The following RAB6B variants were observed in gnomAD, a reference collection of about 807,000 sequenced individuals.
RAB6B encodes the protein ras-related protein Rab-6B.
RAB6B carries 7 observed loss-of-function variants against 31.2 expected under a neutral mutation model. The ratio of observed to expected loss-of-function variants is 0.22; its 90% CI spans 0.13 to 0.42. The LOEUF (loss-of-function observed/expected upper bound fraction) is 0.42, where lower values mean the gene tolerates loss of function less well. RAB6B is among the 10% of genes least tolerant of loss of function. RAB6B has a pLI of 1.00. For synonymous variants in RAB6B, 105 were observed against 104.9 expected, an observed-to-expected ratio of 1.00 and a Z score of -0.01; for missense variants, 149 against 280.6, an observed-to-expected ratio of 0.53 and a Z score of 3.35.
chr3:133,873,575 T>C (rs1041267272), intron 1 of RAB6B, among the ~76,000 whole-genome samples: 2 of 152,236 alleles, frequency 1.3e-5, no homozygotes, highest in African/African-American at 4.8e-5. Context: ...CAAAAGGTGC[T>C]ATCATCTTTG....
Position 133,838,191 on chromosome 3 carries a change from G to A in RAB6B, c.470C>T (p.Ala157Val). The change falls in exon 6 of 8, where the codon GCG (alanine) becomes GTG (valine). Residue 157 changes from alanine to valine, a missense_variant. Transcript: ENST00000285208. ...CTGCTTCACGTTGTAGCCAGTCTTC[G>A]CACTGGTCTCAATGAACATGACGCT... ...ELSVMFIETSAKTGYNVKQLF... is the reference protein window; with the variant it reads ...ELSVMFIETSVKTGYNVKQLF... The A allele has an allele frequency of 6.2e-7, 1 of 1,614,132 alleles. No homozygotes were observed. The highest frequency in any genetic ancestry group is 8.5e-7 in the Non-Finnish European group (1 of 1,179,992).
Position 133,841,504 on chromosome 3 carries a change from C to G in RAB6B, c.183+106G>C, listed in dbSNP as rs534229210. 7 of 1,534,366 alleles carry G rather than the reference C, an allele frequency of 4.6e-6. No individual in the cohort carries two copies. The African/African-American group carries it at 9.6e-5, about 21-fold the overall frequency. On this transcript the variant is annotated intron_variant, in intron 3 of 7. Coordinates refer to ENST00000285208, the MANE Select transcript of RAB6B (RefSeq NM_016577.4). Reference sequence around the variant, plus strand: ...GCAATGCTGGCATCACCAGCTCCAGCCCCTAGTGTCGGCAGGTGCTCTCAG... The same window carrying G: ...GCAATGCTGGCATCACCAGCTCCAGGCCCTAGTGTCGGCAGGTGCTCTCAG...
At chr3:133,880,356 T>C (rs914149355) in intron 1 of RAB6B, among the ~76,000 whole-genome samples, 1 of 152,234 alleles carries the variant, frequency 6.6e-6, no homozygotes, top group African/African-American at 2.4e-5. Flanking sequence ...AGAGCGAAAC[T>C]TGTGTTTCCC....
At chr3:133,846,291 A>G (rs1175488382) in intron 2 of RAB6B, among the ~76,000 whole-genome samples, 5 of 152,154 alleles carry the variant, frequency 3.3e-5, no homozygotes, top group Admixed American at 1.3e-4. Flanking sequence ...TACTAAAAAT[A>G]CAAAAATTAG....
chr3:133,893,647 G>A (rs1446025917), intron 1 of RAB6B, among the ~76,000 whole-genome samples: 1 of 152,180 alleles, frequency 6.6e-6, no homozygotes, highest in African/African-American at 2.4e-5. Flanking sequence ...AGGCACTAAA[G>A]AAACATGAAG....
intron 1 of RAB6B, among the ~76,000 whole-genome samples, chr3:133,894,216 G>C (rs1363556678): frequency 6.6e-6 from 1 of 152,200 alleles, no homozygotes; most frequent in Non-Finnish European, 1.5e-5. Flanking sequence ...GCAGAGCTGG[G>C]GTCCTGTCCC....
chr3:133,883,564 G>C (rs1036915064), intron 1 of RAB6B, among the ~76,000 whole-genome samples: 1 of 150,204 alleles, frequency 6.7e-6, no homozygotes, highest in African/African-American at 2.4e-5. Context: ...CTCTCCCTTC[G>C]GTCTCAGCAC....
chr3:133,879,322 T>C (rs1161316073), intron 1 of RAB6B, among the ~76,000 whole-genome samples: 7 of 152,218 alleles, frequency 4.6e-5, no homozygotes, highest in Non-Finnish European at 8.8e-5. Context: ...TCTGACTAAT[T>C]AAACATTCTG....
chr3:133,851,106 A>C (rs2107996295), intron 2 of RAB6B, among the ~76,000 whole-genome samples: 1 of 152,316 alleles, frequency 6.6e-6, no homozygotes, highest in Non-Finnish European at 1.5e-5. Flanking sequence ...TTTTTAGATA[A>C]ACAAAAACAA....
chr3:133,870,348 T>C (rs1044306509), intron 1 of RAB6B, among the ~76,000 whole-genome samples: 5 of 152,154 alleles, frequency 3.3e-5, no homozygotes, highest in Admixed American at 2.0e-4. Context: ...GTCCTGTCCT[T>C]GACACGTGGG....
intron 2 of RAB6B, among the ~76,000 whole-genome samples, chr3:133,859,156 A>C (rs1257170467): frequency 6.6e-6 from 1 of 152,148 alleles, no homozygotes; most frequent in Non-Finnish European, 1.5e-5. Flanking sequence ...TTTTTAAAAA[A>C]TTTATAATAA....
intron 4 of RAB6B, among the ~76,000 whole-genome samples, chr3:133,840,707 C>T (rs1935812862): frequency 6.6e-6 from 1 of 152,142 alleles, no homozygotes; most frequent in Non-Finnish European, 1.5e-5. Flanking sequence ...GCCTCGGCCC[C>T]CCACCCCCAC....
chr3:133,882,887 C>T (rs528428085), intron 1 of RAB6B, among the ~76,000 whole-genome samples: 4 of 152,312 alleles, frequency 2.6e-5, no homozygotes, highest in South Asian at 2.1e-4. Context: ...CAGTTCACTT[C>T]TAATCTGGGC....
In RAB6B at chr3:133,849,233, A is replaced by T. The variant is rs114901428; in HGVS notation, c.130-7570T>A. The stretch of plus-strand genomic sequence containing the variant: ...ACACTTTCTCTGTTAAACTGGAAAG[A>T]TCTCATACTAATCAATCTCTCCCAC... On this transcript the variant is annotated intron_variant, in intron 2 of 7. Coordinates refer to ENST00000285208, the MANE Select transcript of RAB6B (RefSeq NM_016577.4). Among the ~76,000 whole-genome samples the T allele has an allele frequency of 3.0e-3, 453 of 152,304 alleles. 2 individuals are homozygous for T. The highest frequency in any genetic ancestry group is 0.011 in the African/African-American group (443 of 41,552).
Position 133,856,222 on chromosome 3 carries a change from T to C in RAB6B, c.129+8362A>G, listed in dbSNP as rs528859480. ...GAGGGGACTACATTTCTAATTTGCA[T>C]GTGCTGACAAAGAAGTGGACGGGAG... On this transcript the variant is annotated intron_variant, in intron 2 of 7. Coordinates refer to ENST00000285208, the MANE Select transcript of RAB6B (RefSeq NM_016577.4). 2.1e-3 allele frequency among the ~76,000 whole-genome samples: 322 copies of C among 152,238 alleles called. 1 individual carries two copies. The highest frequency in any genetic ancestry group is 5.8e-3 in the African/African-American group (242 of 41,546).
In RAB6B at chr3:133,895,363, G is replaced by A. The variant is rs1455433671; in HGVS notation, c.70+34C>T. 3 of 1,602,522 alleles carry A rather than the reference G, an allele frequency of 1.9e-6. No individual in the cohort carries two copies. In the African/African-American group the frequency reaches 4.0e-5, roughly 22 times the overall value. Reference sequence around the variant, plus strand: ...GCGATTGGGCGGCGGGGGTCGACTCGGCGACAAGCCAAGAGATTAAGCCGG... The same window carrying A: ...GCGATTGGGCGGCGGGGGTCGACTCAGCGACAAGCCAAGAGATTAAGCCGG... On this transcript the variant is annotated intron_variant, in intron 1 of 7. Coordinates refer to ENST00000285208, the MANE Select transcript of RAB6B (RefSeq NM_016577.4).
chr3:133,839,283 C>A (rs909069619), intron 5 of RAB6B, among the ~76,000 whole-genome samples: 3 of 152,204 alleles, frequency 2.0e-5, no homozygotes, highest in Admixed American at 6.5e-5. Flanking sequence ...CGGAGAAGTG[C>A]CCCGCCCCTG....
chr3:133,890,180 G>A (rs569409676), intron 1 of RAB6B, among the ~76,000 whole-genome samples: 2 of 152,354 alleles, frequency 1.3e-5, no homozygotes, highest in African/African-American at 2.4e-5. Context: ...GCAAGCTGAG[G>A]TCTGGTGTGT....
At chr3:133,853,311 G>C (rs1379391682) in intron 2 of RAB6B, among the ~76,000 whole-genome samples, 1 of 152,138 alleles carries the variant, frequency 6.6e-6, no homozygotes, top group Non-Finnish European at 1.5e-5. Context: ...GCATGTAGAA[G>C]TATGTGTATG....
Sources: allele counts gnomAD v4.1 joint callset (sites outside exome capture counted in the v4.1 genomes callset), GRCh38; gene constraint gnomAD v4.1.1; transcripts MANE v1.5; gene names NCBI Gene and HGNC (gene_info 2026-07-23, HGNC 2026-07-21).